The following CPNE8 variants were observed in gnomAD, a reference collection of about 807,000 sequenced individuals.
CPNE8 encodes copine-8.
CPNE8 carries 45 observed loss-of-function variants against 81.5 expected under a neutral mutation model. That is an observed-to-expected ratio of 0.55 (90% CI 0.44 to 0.71). The LOEUF is 0.71. Among genes scored for constraint, CPNE8 ranks in the 30% least tolerant of loss-of-function variants. CPNE8 has a pLI of 0.00. For synonymous variants in CPNE8, 252 were observed against 226.3 expected, an observed-to-expected ratio of 1.11 and a Z score of -1.02; for missense variants, 594 against 672.1, an observed-to-expected ratio of 0.88 and a Z score of 1.28.
chr12:38,783,256 A>C (rs1012402780), intron 6 of CPNE8, among the ~76,000 whole-genome samples: 1 of 152,150 alleles, frequency 6.6e-6, no homozygotes, highest in African/African-American at 2.4e-5. Context: ...AAAGACAACT[A>C]TCTATATTTT....
intron 16 of CPNE8, among the ~76,000 whole-genome samples, chr12:38,685,064 A>G (rs187371707): frequency 7.9e-5 from 12 of 152,314 alleles, no homozygotes; most frequent in Admixed American, 7.8e-4. Context: ...AATGTGCCCT[A>G]TATGTCGTTG....
chr12:38,753,960 A>G (rs1033168515), intron 10 of CPNE8, among the ~76,000 whole-genome samples: 1 of 152,198 alleles, frequency 6.6e-6, no homozygotes, highest in Non-Finnish European at 1.5e-5. Context: ...CAGAGATAAG[A>G]GACGATTACT....
At chr12:38,837,130 AGAATCT>A (rs771726391) in intron 5 of CPNE8, among the ~76,000 whole-genome samples, 1 of 152,146 alleles carries the variant, frequency 6.6e-6, no homozygotes, top group Non-Finnish European at 1.5e-5. Flanking sequence ...AAAAGTAATG[AGAATCT>A]GAACTAAGGC....
At chr12:38,840,335 C>T (rs1326927275) in intron 4 of CPNE8, among the ~76,000 whole-genome samples, 2 of 152,096 alleles carry the variant, frequency 1.3e-5, no homozygotes, top group African/African-American at 2.4e-5. Flanking sequence ...GCCCTCTTCT[C>T]TGGACATCAT....
intron 10 of CPNE8, among the ~76,000 whole-genome samples, chr12:38,751,997 A>G (rs1193184126): frequency 6.6e-6 from 1 of 152,058 alleles, no homozygotes; most frequent in Non-Finnish European, 1.5e-5. Context: ...CATCCTCAGT[A>G]TTTTGTTGTA....
At chr12:38,769,075 A>G (rs1377295422) in intron 7 of CPNE8, among the ~76,000 whole-genome samples, 1 of 152,170 alleles carries the variant, frequency 6.6e-6, no homozygotes, top group Non-Finnish European at 1.5e-5. Flanking sequence ...TCATTCATTC[A>G]TTCACTCATT....
At chr12:38,809,584 A>C (rs1184251089) in intron 6 of CPNE8, among the ~76,000 whole-genome samples, 1 of 152,206 alleles carries the variant, frequency 6.6e-6, no homozygotes, top group East Asian at 1.9e-4. Flanking sequence ...TCATGGAGGC[A>C]GAATTTTGCT....
chr12:38,685,831 G>C, intron 15 of CPNE8: 2 of 356,084 alleles, frequency 5.6e-6, no homozygotes, highest in Non-Finnish European at 1.0e-5. Flanking sequence ...ATGATATAAT[G>C]TACAATCATT....
At chr12:38,771,599 G>T (rs905051992) in intron 7 of CPNE8, among the ~76,000 whole-genome samples, 93 of 152,204 alleles carry the variant, frequency 6.1e-4, no homozygotes, top group African/African-American at 2.1e-3. Context: ...AGATAATTAG[G>T]ATTATTACAC....
At chr12:38,745,920 G>GT (rs1433836797) in intron 10 of CPNE8, among the ~76,000 whole-genome samples, 2 of 152,218 alleles carry the variant, frequency 1.3e-5, no homozygotes, top group Admixed American at 1.3e-4. Context: ...GACCTGGAGA[G>GT]TTTTTTCAAA....
intron 6 of CPNE8, among the ~76,000 whole-genome samples, chr12:38,798,103 G>A (rs1012379484): frequency 2.0e-5 from 3 of 152,148 alleles, no homozygotes; most frequent in African/African-American, 7.2e-5. Context: ...AGGGAGAATG[G>A]AACCAAGTTG....
At chr12:38,876,562 A>G (rs997638828) in intron 1 of CPNE8, among the ~76,000 whole-genome samples, 2 of 152,206 alleles carry the variant, frequency 1.3e-5, no homozygotes, top group Non-Finnish European at 2.9e-5. Flanking sequence ...TGTTTCACTC[A>G]GCCATTGTGA....
intron 1 of CPNE8, 73 bp downstream of exon 1, chr12:38,905,364 C>T: frequency 6.6e-7 from 1 of 1,503,762 alleles, no homozygotes; most frequent in South Asian, 1.2e-5. Context: ...CTCGTGGTAC[C>T]CCGAGCGCTC....
intron 13 of CPNE8, among the ~76,000 whole-genome samples, chr12:38,711,828 T>G (rs1038750024): frequency 6.6e-6 from 1 of 152,190 alleles, no homozygotes; most frequent in Non-Finnish European, 1.5e-5. Context: ...TAAATGTTTA[T>G]AACAGTCTTC....
intron 4 of CPNE8, 22 bp from the exon 5 acceptor site, chr12:38,839,977 C>T: frequency 6.4e-7 from 1 of 1,558,486 alleles, no homozygotes; most frequent in African/African-American, 1.4e-5. Flanking sequence ...AAATATAAAA[C>T]TCAAATTATT....
At chr12:38,702,973 G>A in intron 13 of CPNE8, 52 bp from the exon 14 acceptor site, 1 of 1,239,442 alleles carries the variant, frequency 8.1e-7, no homozygotes, top group Non-Finnish European at 1.1e-6. Flanking sequence ...CTGATAAAAG[G>A]AGTTTCTTTT....
chr12:38,732,333 A>C (rs1416291848), intron 10 of CPNE8, among the ~76,000 whole-genome samples: 1 of 152,006 alleles, frequency 6.6e-6, no homozygotes, highest in African/African-American at 2.4e-5. Flanking sequence ...TCAGTCTGAC[A>C]GAATAACAAA....
intron 18 of CPNE8, among the ~76,000 whole-genome samples, chr12:38,674,811 A>G (rs1939252924): frequency 1.3e-5 from 2 of 152,160 alleles, no homozygotes; most frequent in African/African-American, 4.8e-5. Context: ...AATAAGAATC[A>G]CCTCAGTGAT....
At chr12:38,794,816 T>G (rs1381742497) in intron 6 of CPNE8, among the ~76,000 whole-genome samples, 1 of 152,170 alleles carries the variant, frequency 6.6e-6, no homozygotes, top group African/African-American at 2.4e-5. Flanking sequence ...CAAAGTATTG[T>G]TGCTGGGAGT....
Sources: gnomAD v4.1 joint callset for allele counts (sites outside exome capture counted in the v4.1 genomes callset) on GRCh38, gnomAD v4.1.1 for gene constraint, MANE v1.5 for transcripts, NCBI Gene and HGNC (gene_info 2026-07-23, HGNC 2026-07-21) for gene names.